The following CNTNAP5 variants were observed in gnomAD, a reference collection of about 807,000 sequenced individuals.
CNTNAP5 encodes the protein contactin associated protein family member 5, also known as contactin-associated protein-like 5.
Under a neutral mutation model 150.2 loss-of-function variants are expected in CNTNAP5, and 72 were observed. The ratio of observed to expected loss-of-function variants is 0.48; its 90% CI spans 0.40 to 0.58. The LOEUF (loss-of-function observed/expected upper bound fraction) is 0.58, where lower values mean the gene tolerates loss of function less well. Among genes scored for constraint, CNTNAP5 ranks in the 20% least tolerant of loss-of-function variants. The pLI is 0.00. For missense variants in CNTNAP5, 1,636 were observed against 1,626.2 expected (o/e 1.01, Z -0.10); for synonymous variants, 672 against 619.8 (o/e 1.08, Z -1.25).
intron 3 of CNTNAP5, among the ~76,000 whole-genome samples, chr2:124,340,145 G>T (rs574795518): frequency 5.6e-4 from 85 of 152,228 alleles, no homozygotes; most frequent in African/African-American, 1.9e-3. Context: ...AGGGAGATTA[G>T]TCTGGGGAAG....
At chr2:124,514,323 A>G (rs933224371) in intron 8 of CNTNAP5, among the ~76,000 whole-genome samples, 4 of 152,234 alleles carry the variant, frequency 2.6e-5, no homozygotes, top group African/African-American at 7.2e-5. Flanking sequence ...GAGACATTGT[A>G]TTTCTTAACT....
In CNTNAP5 at chr2:124,918,944, A is replaced by G. The variant is rs1022195779; in HGVS notation, c.*4656A>G. On this transcript the variant is annotated 3_prime_UTR_variant, in exon 24 of 24. Transcript: ENST00000682447. Reference sequence around the variant, plus strand: ...TGAACATGTTTTCTTTAAAATACACATAATGTAATTGAATTATTTCTATAT... The same window carrying G: ...TGAACATGTTTTCTTTAAAATACACGTAATGTAATTGAATTATTTCTATAT... Among the ~76,000 whole-genome samples the G allele has an allele frequency of 3.3e-5, 5 of 152,108 alleles. No individual in the cohort carries two copies. Among genetic ancestry groups the G allele is most frequent in the African/African-American group, 1.2e-4 (5 of 41,446 alleles).
chr2:124,831,491 A>G (rs1250447895), intron 19 of CNTNAP5, among the ~76,000 whole-genome samples: 2 of 151,366 alleles, frequency 1.3e-5, no homozygotes, highest in Non-Finnish European at 3.0e-5. Flanking sequence ...ATGCATTTTT[A>G]TGCTTTTCTT....
At chr2:124,039,497 C>G (rs574616552) in intron 1 of CNTNAP5, among the ~76,000 whole-genome samples, 1 of 152,136 alleles carries the variant, frequency 6.6e-6, no homozygotes, top group African/African-American at 2.4e-5. Flanking sequence ...AATAAATGGA[C>G]CTTTGGGCTC....
chr2:124,780,422 A>G (rs899501353), intron 17 of CNTNAP5, among the ~76,000 whole-genome samples: 1 of 152,338 alleles, frequency 6.6e-6, no homozygotes, highest in Non-Finnish European at 1.5e-5. Flanking sequence ...TCACAAATCA[A>G]CAGAAATGTC....
chr2:124,304,291 A>C (rs555592158), intron 3 of CNTNAP5, among the ~76,000 whole-genome samples: 13 of 152,320 alleles, frequency 8.5e-5, no homozygotes, highest in African/African-American at 2.6e-4. Flanking sequence ...TGAGCCCTTG[A>C]CCTAGGGCTG....
chr2:124,879,394 C>G (rs1258348402), intron 21 of CNTNAP5, among the ~76,000 whole-genome samples: 1 of 152,080 alleles, frequency 6.6e-6, no homozygotes, highest in Non-Finnish European at 1.5e-5. Context: ...ATCACACTAC[C>G]CATGACTGGG....
At chr2:124,840,931 T>C (rs575319264) in intron 19 of CNTNAP5, among the ~76,000 whole-genome samples, 1 of 152,240 alleles carries the variant, frequency 6.6e-6, no homozygotes, top group South Asian at 2.1e-4. Flanking sequence ...CCAAGTTACA[T>C]CATTGACATC....
intron 23 of CNTNAP5, among the ~76,000 whole-genome samples, chr2:124,911,947 C>G (rs1678664903): frequency 6.6e-6 from 1 of 152,060 alleles, no homozygotes; most frequent in South Asian, 2.1e-4. Flanking sequence ...GGAGTATTCC[C>G]CACCAAGTGA....
At chr2:124,462,944 G>T (rs1233377061) in intron 6 of CNTNAP5, among the ~76,000 whole-genome samples, 2 of 152,364 alleles carry the variant, frequency 1.3e-5, no homozygotes, top group African/African-American at 4.8e-5. Flanking sequence ...GACGAGAACG[G>T]TGAAGACCCT....
chr2:124,777,138 T>G (rs1418623211), intron 17 of CNTNAP5, among the ~76,000 whole-genome samples: 1 of 148,362 alleles, frequency 6.7e-6, no homozygotes, highest in Non-Finnish European at 1.5e-5. Flanking sequence ...AAATGCTTCT[T>G]TAGTGGGGAA....
intron 7 of CNTNAP5, among the ~76,000 whole-genome samples, chr2:124,486,585 C>A (rs374208925): frequency 1.3e-5 from 2 of 152,144 alleles, no homozygotes; most frequent in South Asian, 2.1e-4. Flanking sequence ...AAACTAGAGA[C>A]CTTGGACATC....
At chr2:124,702,503 C>T (rs867035108) in intron 13 of CNTNAP5, among the ~76,000 whole-genome samples, 1 of 151,244 alleles carries the variant, frequency 6.6e-6, no homozygotes, top group Middle Eastern at 3.4e-3. Context: ...TTGCTTTCCC[C>T]CTAAGACTTA....
At chr2:124,837,911 C>T (rs1682863191) in intron 19 of CNTNAP5, among the ~76,000 whole-genome samples, 1 of 152,234 alleles carries the variant, frequency 6.6e-6, no homozygotes, top group South Asian at 2.1e-4. Flanking sequence ...TTCAAAACCA[C>T]ACTGACTTCC....
chr2:124,818,128 G>A (rs1206862510), intron 19 of CNTNAP5, among the ~76,000 whole-genome samples: 1 of 152,154 alleles, frequency 6.6e-6, no homozygotes, highest in African/African-American at 2.4e-5. Context: ...TGAGGGATAT[G>A]TGCACACCCA....
intron 20 of CNTNAP5, among the ~76,000 whole-genome samples, chr2:124,867,226 G>A (rs1238894679): frequency 6.6e-6 from 1 of 152,088 alleles, no homozygotes; most frequent in East Asian, 1.9e-4. Flanking sequence ...AGCTAAACAA[G>A]CAAACAAGCC....
intron 13 of CNTNAP5, among the ~76,000 whole-genome samples, chr2:124,737,400 C>T (rs543008817): frequency 1.2e-4 from 18 of 152,184 alleles, no homozygotes; most frequent in Admixed American, 8.5e-4. Context: ...AGACATCAGC[C>T]TCTATGAAGA....
At chr2:124,338,920 T>A (rs62171012) in intron 3 of CNTNAP5, among the ~76,000 whole-genome samples, 9,534 of 152,104 alleles carry the variant, frequency 0.063, 437 homozygotes, top group Non-Finnish European at 0.098. Context: ...TGAGGTGAAA[T>A]GTCATGAATA....
intron 1 of CNTNAP5, among the ~76,000 whole-genome samples, chr2:124,062,196 T>A (rs1030799064): frequency 2.6e-5 from 4 of 152,200 alleles, no homozygotes; most frequent in African/African-American, 9.6e-5. Context: ...TCACAAAACC[T>A]TTGTCCTACA....
Sources: allele counts gnomAD v4.1 joint callset (sites outside exome capture counted in the v4.1 genomes callset), GRCh38; gene constraint gnomAD v4.1.1; transcripts MANE v1.5; gene names NCBI Gene and HGNC (gene_info 2026-07-23, HGNC 2026-07-21).